CTNND2: variants seen among roughly 807,000 people sequenced by gnomAD.
CTNND2 encodes the protein catenin delta-2.
Under a neutral mutation model 144.4 loss-of-function variants are expected in CTNND2, and 22 were observed. The ratio of observed to expected loss-of-function variants is 0.15; its 90% CI spans 0.11 to 0.22. CTNND2 has a LOEUF of 0.22. Ranked by LOEUF, CTNND2 falls within the 10% of genes least tolerant of loss-of-function variation. The probability of loss-of-function intolerance (pLI) is 1.00; values close to 1 mark genes in which losing one functional copy is unlikely to be tolerated. For missense variants in CTNND2, 1,353 were observed against 1,618.8 expected (o/e 0.84, Z 2.82); for synonymous variants, 751 against 695.6 (o/e 1.08, Z -1.25).
At chr5:11,118,756 G>T (rs565856418) in intron 12 of CTNND2, among the ~76,000 whole-genome samples, 10 of 152,172 alleles carry the variant, frequency 6.6e-5, no homozygotes, top group Non-Finnish European at 1.3e-4. Flanking sequence ...CGCTATAATT[G>T]ACCCAGGTAG....
intron 1 of CTNND2, among the ~76,000 whole-genome samples, chr5:11,769,925 T>C (rs1382385641): frequency 6.6e-6 from 1 of 152,230 alleles, no homozygotes; most frequent in Non-Finnish European, 1.5e-5. Flanking sequence ...AAATTAAACA[T>C]TCAACTTGAA....
At chr5:11,023,098 G>GT in intron 16 of CTNND2, 119 bp from the exon 17 acceptor site, 1 of 812,106 alleles carries the variant, frequency 1.2e-6, no homozygotes, top group Middle Eastern at 2.8e-4. Flanking sequence ...AAAATTGTTT[G>GT]TTTCCCATCA....
At chr5:11,725,608 G>GA (rs1561735681) in intron 2 of CTNND2, among the ~76,000 whole-genome samples, 1 of 151,908 alleles carries the variant, frequency 6.6e-6, no homozygotes, top group East Asian at 1.9e-4. Flanking sequence ...GTAGTGGGGG[G>GA]GAAAAGCACT....
chr5:11,602,955 A>C (rs879034160), intron 2 of CTNND2, among the ~76,000 whole-genome samples: 19 of 151,864 alleles, frequency 1.3e-4, no homozygotes, highest in Admixed American at 1.2e-3. Flanking sequence ...CCAGCACATT[A>C]CAACATAATA....
chr5:11,167,892 G>T (rs1315613373), intron 11 of CTNND2, among the ~76,000 whole-genome samples: 4 of 147,282 alleles, frequency 2.7e-5, no homozygotes, highest in African/African-American at 1.0e-4. Flanking sequence ...TTTTGGTAGA[G>T]ACAAGGTCTT....
chr5:11,198,989 A>T (rs1276497393), intron 11 of CTNND2, among the ~76,000 whole-genome samples: 1 of 152,246 alleles, frequency 6.6e-6, no homozygotes, highest in East Asian at 1.9e-4. Flanking sequence ...CTTAATATGT[A>T]ATAATTGTGA....
chr5:11,319,382 T>C (rs781457168), intron 9 of CTNND2, among the ~76,000 whole-genome samples: 5 of 152,214 alleles, frequency 3.3e-5, no homozygotes, highest in African/African-American at 7.2e-5. Context: ...TTTAAGAATA[T>C]GTAAAATAAA....
At chr5:11,091,164 T>C (rs961708417) in intron 15 of CTNND2, among the ~76,000 whole-genome samples, 9 of 152,192 alleles carry the variant, frequency 5.9e-5, no homozygotes, top group African/African-American at 1.9e-4. Flanking sequence ...CGGGTGCCAC[T>C]TGACACCCAC....
At chr5:11,139,186 C>T (rs994559516) in intron 12 of CTNND2, among the ~76,000 whole-genome samples, 1 of 152,130 alleles carries the variant, frequency 6.6e-6, no homozygotes, top group African/African-American at 2.4e-5. Context: ...GTCTCAAACT[C>T]CTGGCCTCAA....
intron 3 of CTNND2, among the ~76,000 whole-genome samples, chr5:11,562,001 G>A (rs969776759): frequency 6.6e-5 from 10 of 151,994 alleles, no homozygotes; most frequent in South Asian, 6.2e-4. Context: ...AGCCGAGATC[G>A]TGCCACAGTT....
At chr5:11,293,474 TAAAC>T (rs1456717725) in intron 9 of CTNND2, among the ~76,000 whole-genome samples, 2 of 152,138 alleles carry the variant, frequency 1.3e-5, no homozygotes, top group East Asian at 1.9e-4. Context: ...AAATAACTCA[TAAAC>T]AAAGCTAACA....
intron 7 of CTNND2, among the ~76,000 whole-genome samples, chr5:11,371,267 A>G (rs1454252681): frequency 6.6e-6 from 1 of 152,220 alleles, no homozygotes; most frequent in African/African-American, 2.4e-5. Flanking sequence ...GATACCTGTT[A>G]TCATGAAACT....
intron 9 of CTNND2, among the ~76,000 whole-genome samples, chr5:11,238,505 T>C (rs1327063573): frequency 1.3e-5 from 2 of 152,230 alleles, no homozygotes; most frequent in Non-Finnish European, 2.9e-5. Flanking sequence ...CTTTCCTTTA[T>C]CACAGTTGGT....
intron 15 of CTNND2, among the ~76,000 whole-genome samples, chr5:11,083,062 A>G (rs1749759263): frequency 1.3e-5 from 2 of 152,222 alleles, no homozygotes; most frequent in Admixed American, 6.5e-5. Context: ...AGGGTTAATC[A>G]GTGAACCACA....
chr5:11,285,733 C>G (rs1032840737), intron 9 of CTNND2, among the ~76,000 whole-genome samples: 2 of 152,174 alleles, frequency 1.3e-5, no homozygotes, highest in African/African-American at 2.4e-5. Flanking sequence ...CTCCGCTTCC[C>G]TCTCAACCAG....
chr5:11,497,725 T>G (rs568178024), intron 3 of CTNND2, among the ~76,000 whole-genome samples: 2 of 152,026 alleles, frequency 1.3e-5, no homozygotes, highest in Admixed American at 1.3e-4. Flanking sequence ...AAGTCAGAAA[T>G]TACTCATAAA....
rs1191422921 is a variant in CTNND2, at chr5:11,098,720, C to T, written c.2492G>A (p.Cys831Tyr). 1.2e-6 allele frequency: 2 copies of T among 1,614,188 alleles called. No individual in the cohort carries two copies. The highest frequency in any genetic ancestry group is 1.7e-5 in the Admixed American group (1 of 60,018). Residue 831 changes from cysteine to tyrosine, a missense_variant, in exon 15 of 22, where the codon TGT (cysteine) becomes TAT (tyrosine). Cys to Tyr is a radical substitution (Grantham distance 194). This residue lies in a region of CTNND2 where 459 missense variants were observed against 674.3 expected (regional missense o/e 0.68). Coordinates refer to ENST00000304623, the MANE Select transcript of CTNND2 (RefSeq NM_001332.4). ...CTGGATCCCTTTTGGTGGTTCAGCA[C>T]AGTCTGGAAGAGGTCCTACTCCATC... ...QWDGVGPLPD[C>Y]AEPPKGIQML...
At chr5:11,590,757 T>G (rs1779189414) in intron 2 of CTNND2, among the ~76,000 whole-genome samples, 2 of 150,060 alleles carry the variant, frequency 1.3e-5, no homozygotes, top group Admixed American at 1.3e-4. Context: ...TAACATCCAC[T>G]CCCTGCCCGC....
intron 9 of CTNND2, among the ~76,000 whole-genome samples, chr5:11,285,059 A>C (rs258633): frequency 0.47 from 71,518 of 152,008 alleles, 17,015 homozygotes; most frequent in African/African-American, 0.52. Context: ...TGGCAAGAAT[A>C]CTGATAATTT....
Sources: allele counts gnomAD v4.1 joint callset (sites outside exome capture counted in the v4.1 genomes callset), GRCh38; gene constraint gnomAD v4.1.1; regional missense constraint gnomAD v4.1.1; transcripts MANE v1.5; gene names NCBI Gene and HGNC (gene_info 2026-07-23, HGNC 2026-07-21).